Variants in TNS3 observed in about 807,000 individuals in gnomAD.
TNS3 encodes the protein tensin 3.
TNS3 carries 45 observed loss-of-function variants against 140.9 expected under a neutral mutation model. The ratio of observed to expected loss-of-function variants is 0.32; its 90% CI spans 0.25 to 0.41. The LOEUF (loss-of-function observed/expected upper bound fraction) is 0.41, where lower values mean the gene tolerates loss of function less well. TNS3 is among the 10% of genes least tolerant of loss of function. The pLI is 1.00. For missense variants in TNS3, 1,716 were observed against 1,906.7 expected (o/e 0.90, Z 1.86); for synonymous variants, 815 against 788.4 (o/e 1.03, Z -0.56).
intron 9 of TNS3, among the ~76,000 whole-genome samples, chr7:47,425,880 GC>G: frequency 6.6e-6 from 1 of 152,062 alleles, no homozygotes; most frequent in African/African-American, 2.4e-5. Flanking sequence ...TCAAATGTGT[GC>G]TTGTGCTATC....
At chr7:47,563,975 C>T (rs746664891) in intron 1 of TNS3, among the ~76,000 whole-genome samples, 17 of 151,280 alleles carry the variant, frequency 1.1e-4, no homozygotes, top group South Asian at 2.1e-4. Context: ...GGGCAGATCA[C>T]GAGGTCAGGA....
intron 13 of TNS3, among the ~76,000 whole-genome samples, chr7:47,409,403 CTCTT>C (rs1477089567): frequency 6.6e-6 from 1 of 152,104 alleles, no homozygotes; most frequent in Non-Finnish European, 1.5e-5. Context: ...CCGTCCCATG[CTCTT>C]GGTGGGCGGT....
chr7:47,498,949 A>C (rs2271312), intron 3 of TNS3, among the ~76,000 whole-genome samples: 2 of 152,146 alleles, frequency 1.3e-5, no homozygotes, highest in African/African-American at 4.8e-5. Context: ...GGTGTCGCCC[A>C]GCTGACGCAC....
chr7:47,430,743 T>A (rs1424843245), intron 8 of TNS3, among the ~76,000 whole-genome samples: 1 of 150,910 alleles, frequency 6.6e-6, no homozygotes, highest in Admixed American at 6.6e-5. Context: ...TTTTTTTTAA[T>A]GGAGTCTCCC....
At chr7:47,454,569 C>A (rs945819419) in intron 4 of TNS3, among the ~76,000 whole-genome samples, 3 of 152,000 alleles carry the variant, frequency 2.0e-5, no homozygotes, top group South Asian at 4.2e-4. Context: ...CCAACTCCCG[C>A]ATTTTACAAT....
chr7:47,504,556 C>T (rs1798344392), intron 3 of TNS3, among the ~76,000 whole-genome samples: 2 of 152,260 alleles, frequency 1.3e-5, no homozygotes, highest in African/African-American at 4.8e-5. Flanking sequence ...TGAACCAAGG[C>T]TTCATACTTG....
At chr7:47,455,920 G>T (rs536189871) in intron 4 of TNS3, among the ~76,000 whole-genome samples, 1 of 152,332 alleles carries the variant, frequency 6.6e-6, no homozygotes, top group Non-Finnish European at 1.5e-5. Flanking sequence ...GGCACACTGC[G>T]TGTGGTGGGT....
intron 1 of TNS3, among the ~76,000 whole-genome samples, chr7:47,557,880 A>G (rs566755431): frequency 3.3e-5 from 5 of 152,346 alleles, no homozygotes; most frequent in East Asian, 1.9e-4. Flanking sequence ...AATGTGTGTC[A>G]TGGAATTCTC....
intron 1 of TNS3, among the ~76,000 whole-genome samples, chr7:47,568,897 C>T (rs774995274): frequency 8.1e-4 from 124 of 152,318 alleles, no homozygotes; most frequent in Non-Finnish European, 1.5e-3. Context: ...GCTGATAGAG[C>T]GATAACTTGT....
intron 17 of TNS3, among the ~76,000 whole-genome samples, chr7:47,352,634 C>A (rs1211756089): frequency 6.6e-6 from 1 of 152,224 alleles, no homozygotes; most frequent in Non-Finnish European, 1.5e-5. Flanking sequence ...ATCCTGGCCC[C>A]TTCTCCAGGA....
intron 17 of TNS3, among the ~76,000 whole-genome samples, chr7:47,352,131 T>G (rs1789714964): frequency 1.3e-5 from 2 of 150,774 alleles, no homozygotes; most frequent in Non-Finnish European, 3.0e-5. Flanking sequence ...TCACACACTC[T>G]TACACTCACA....
At chr7:47,484,180 G>A (rs908553017) in intron 3 of TNS3, among the ~76,000 whole-genome samples, 4 of 152,134 alleles carry the variant, frequency 2.6e-5, no homozygotes, top group African/African-American at 9.7e-5. Flanking sequence ...AGACAAAAAT[G>A]TCTCAGGAAA....
At chr7:47,386,262 G>A (rs939750586) in intron 16 of TNS3, among the ~76,000 whole-genome samples, 5 of 152,186 alleles carry the variant, frequency 3.3e-5, no homozygotes, top group Admixed American at 2.6e-4. Context: ...ACTGGAGGGG[G>A]TCCCCCCACA....
intron 1 of TNS3, among the ~76,000 whole-genome samples, chr7:47,568,563 G>T (rs1038228877): frequency 7.9e-5 from 12 of 152,250 alleles, no homozygotes; most frequent in African/African-American, 2.7e-4. Flanking sequence ...AGGAACAAGT[G>T]AATCTCCCCG....
At chr7:47,357,558 T>A (rs1222434949) in intron 17 of TNS3, among the ~76,000 whole-genome samples, 1 of 152,086 alleles carries the variant, frequency 6.6e-6, no homozygotes, top group Non-Finnish European at 1.5e-5. Flanking sequence ...GGCATAGCCT[T>A]AAAGAGCCGC....
chr7:47,381,768 T>C (rs1240127788), intron 16 of TNS3, among the ~76,000 whole-genome samples: 3 of 152,234 alleles, frequency 2.0e-5, no homozygotes, highest in African/African-American at 7.2e-5. Flanking sequence ...CATAATGCAC[T>C]TATTGTGCAA....
chr7:47,491,180 A>G (rs768987769), intron 3 of TNS3, among the ~76,000 whole-genome samples: 1 of 152,196 alleles, frequency 6.6e-6, no homozygotes, highest in Non-Finnish European at 1.5e-5. Flanking sequence ...GCGATTCACC[A>G]AAAAATGCAT....
Position 47,304,970 on chromosome 7 carries a change from G to T in TNS3, c.2684C>A (p.Ala895Asp), listed in dbSNP as rs1178241302. Residue 895 changes from alanine to aspartate, a missense_variant, in exon 21 of 31, where the codon GCT becomes GAT. Ala to Asp is a moderately radical substitution (Grantham distance 126). Around this residue, in one of 3 missense-constraint regions of TNS3, gnomAD observed 1,163 missense variants for 1,182.1 expected, o/e 0.98. Coordinates refer to ENST00000311160, the MANE Select transcript of TNS3 (RefSeq NM_022748.12). ...GATGGGGCTCTCTGACATCCCCACA[G>T]CGTGAGTGAGCGTCTCAGGGCAGCT... Reference protein sequence around the residue: ...PRSCPETLTHAVGMSESPIGP... With the variant: ...PRSCPETLTHDVGMSESPIGP... 10 of 1,397,688 alleles carry T rather than the reference G, an allele frequency of 7.2e-6. No homozygotes were observed. The South Asian group carries it at 7.3e-5, about 10-fold the overall frequency. The allele number at this position is 1,397,688 out of a possible 1,614,324, so 86.6% of individuals were successfully genotyped here. A position where few individuals can be genotyped will look rare whatever the true frequency, so the allele number is the denominator to read the frequency against.
At chr7:47,455,992 G>C (rs765451557) in intron 4 of TNS3, among the ~76,000 whole-genome samples, 1 of 152,214 alleles carries the variant, frequency 6.6e-6, no homozygotes, top group Non-Finnish European at 1.5e-5. Context: ...GCTCAAGCCC[G>C]GGCTCAAGGA....
Sources: allele counts gnomAD v4.1 joint callset (sites outside exome capture counted in the v4.1 genomes callset), GRCh38; gene constraint gnomAD v4.1.1; regional missense constraint gnomAD v4.1.1; transcripts MANE v1.5; gene names NCBI Gene and HGNC (gene_info 2026-07-23, HGNC 2026-07-21).